The following PDIA4 variants were observed in gnomAD, a reference collection of about 807,000 sequenced individuals.
The protein encoded by PDIA4 is protein disulfide-isomerase A4.
In PDIA4, 33 loss-of-function variants were observed where a neutral mutation model predicts 62.1. The ratio of observed to expected loss-of-function variants is 0.53; its 90% CI spans 0.40 to 0.71. The LOEUF (loss-of-function observed/expected upper bound fraction) is 0.71, where lower values mean the gene tolerates loss of function less well. Among genes scored for constraint, PDIA4 ranks in the 30% least tolerant of loss-of-function variants. PDIA4 has a pLI of 0.00. For synonymous variants in PDIA4, 341 were observed against 324.1 expected (o/e 1.05, Z -0.56); for missense variants, 804 against 813.6 (o/e 0.99, Z 0.14).
At chr7:149,028,293 C>G in intron 1 of PDIA4, 28 bp downstream of exon 1, 4 of 1,496,568 alleles carry the variant, frequency 2.7e-6, no homozygotes, top group Non-Finnish European at 3.6e-6. Flanking sequence ...GCAAGCACAG[C>G]CCGACCCGCG....
At position 149,006,165 on chromosome 7, in the gene PDIA4, A is replaced by G. The variant is rs879186538; in HGVS notation, c.1132-112T>C. 114 of 1,149,746 alleles carry G rather than the reference A, an allele frequency of 9.9e-5. 4 individuals are homozygous for G. The South Asian group carries it at 1.9e-3, about 19-fold the overall frequency. 71.2% of individuals were successfully genotyped at this position (1,149,746 alleles called of 1,614,324 possible). ...GGCGACTTTGAAGGGGATCAGTCTTAGGAGGCAAAACACCCCAGGGCTCGA... is the reference window on the plus strand; with the variant it reads ...GGCGACTTTGAAGGGGATCAGTCTTGGGAGGCAAAACACCCCAGGGCTCGA... On this transcript the variant is annotated intron_variant, in intron 7 of 9. Coordinates refer to ENST00000652332, the MANE Select transcript of PDIA4 (RefSeq NM_004911.5).
chr7:149,003,707 C>G lies in PDIA4; in HGVS notation c.*87G>C. On this transcript the variant is annotated 3_prime_UTR_variant, in exon 10 of 10. Transcript: ENST00000652332. The stretch of plus-strand genomic sequence containing the variant: ...AAAAAAAAGGAATCCGAGATACTGT[C>G]GTTTGTTGCCGGCCTCGGCGTGGAC... 2.2e-6 allele frequency: 2 copies of G among 927,834 alleles called. No homozygotes were observed. The highest frequency in any genetic ancestry group is 3.1e-6 in the Non-Finnish European group (2 of 644,038). 57.5% of individuals were successfully genotyped at this position (927,834 alleles called of 1,614,324 possible).
rs1824621438 is a variant in PDIA4 at position 149,028,074 on chromosome 7, G to A, written c.88+247C>T. 5 of 627,154 alleles carry A rather than the reference G, an allele frequency of 8.0e-6. No individual in the cohort carries two copies. The East Asian group carries it at 1.2e-4, about 15-fold the overall frequency. The allele number at this position is 627,154 out of a possible 1,614,324, so 38.8% of individuals were successfully genotyped here. A position where few individuals can be genotyped will look rare whatever the true frequency, so the allele number is the denominator to read the frequency against. The stretch of plus-strand genomic sequence containing the variant: ...AGCCTCGGGTGACAGGGGTCTTCCA[G>A]GGCGTCGGAGCCCAAGAGACCCCGG... On this transcript the variant is annotated intron_variant, in intron 1 of 9. Transcript: ENST00000652332.
At position 149,003,962 on chromosome 7, in the gene PDIA4, G is replaced by A. The variant is rs772900803; in HGVS notation, c.1770C>T (p.Val590=). 1 of 1,613,264 alleles carries A rather than the reference G, an allele frequency of 6.2e-7. No homozygotes were observed. The highest frequency in any genetic ancestry group is 8.5e-7 in the Non-Finnish European group (1 of 1,179,346). ...IAKMDATAND[V]PSDRYKVEGF... The stretch of plus-strand genomic sequence containing the variant: ...CCTCCACCTTATAGCGGTCGCTGGG[G>A]ACGTCGTTGGCAGTGGCGTCCATCT... The change falls in exon 10 of 10, where the codon GTC becomes GTT. Residue 590 remains valine, a synonymous_variant. Coordinates refer to ENST00000652332, the MANE Select transcript of PDIA4 (RefSeq NM_004911.5).
chr7:149,009,467 C>T (rs772083806), intron 6 of PDIA4, among the ~76,000 whole-genome samples: 22 of 152,208 alleles, frequency 1.4e-4, no homozygotes, highest in East Asian at 1.9e-4. Flanking sequence ...AGTTTTCACA[C>T]CCAGCACCCT....
At chr7:149,025,471 G>A (rs371234803) in intron 1 of PDIA4, among the ~76,000 whole-genome samples, 2 of 152,170 alleles carry the variant, frequency 1.3e-5, no homozygotes, top group South Asian at 2.1e-4. Flanking sequence ...TATCAGCTAC[G>A]GTAACCATGA....
At chr7:149,017,920 T>C (rs911864335) in intron 3 of PDIA4, among the ~76,000 whole-genome samples, 20 of 152,242 alleles carry the variant, frequency 1.3e-4, no homozygotes, top group East Asian at 5.8e-4. Flanking sequence ...GCAGCAGCCC[T>C]GCATGCTTGT....
intron 8 of PDIA4, 114 bp from the exon 9 acceptor site, chr7:149,005,488 G>A (rs1025108344): frequency 1.3e-5 from 9 of 694,228 alleles, no homozygotes; most frequent in East Asian, 2.6e-5. Context: ...CTCAAACCCT[G>A]GATTTACCTC....
In PDIA4 at chr7:149,003,851, C is replaced by T. The variant is rs747229439; in HGVS notation, c.1881G>A (p.Leu627=). Residue 627 remains leucine, a synonymous_variant, in exon 10 of 10, where the codon TTG becomes TTA. Coordinates refer to ENST00000652332, the MANE Select transcript of PDIA4 (RefSeq NM_004911.5). ...TGGCATGTTCTTCTATAAACTTGCTCAAATGCTCCAGATCTCTGTCTCCAC... is the reference window on the plus strand; with the variant it reads ...TGGCATGTTCTTCTATAAACTTGCTTAAATGCTCCAGATCTCTGTCTCCAC... ...FEGGDRDLEH[L]SKFIEEHATK... 6.2e-7 allele frequency: 1 copy of T among 1,604,910 alleles called. No homozygotes were observed. The highest frequency in any genetic ancestry group is 8.5e-7 in the Non-Finnish European group (1 of 1,176,324).
At chr7:149,019,384 C>T (rs1452136178) in intron 2 of PDIA4, among the ~76,000 whole-genome samples, 187 bp from the exon 3 acceptor site, 1 of 152,022 alleles carries the variant, frequency 6.6e-6, no homozygotes. Context: ...AGGGTGGATC[C>T]CTCATGAATA....
chr7:149,015,187 G>C (rs1267415270), intron 3 of PDIA4, 145 bp from the exon 4 acceptor site: 2 of 761,790 alleles, frequency 2.6e-6, no homozygotes, highest in Non-Finnish European at 4.2e-6. Flanking sequence ...AAACCTGGCT[G>C]CATCTCTGCA....
At position 149,006,077 on chromosome 7, in the gene PDIA4, A is replaced by G. The variant is rs775525301; in HGVS notation, c.1132-24T>C. On this transcript the variant is annotated intron_variant, in intron 7 of 9. Transcript: ENST00000652332. ...CCCTGCTTCAAAGAGGGAACAGGTG[A>G]GGGGGCCCACCATCTCCCCACCATT... 47 of 1,537,368 alleles carry G rather than the reference A, an allele frequency of 3.1e-5. No individual in the cohort carries two copies. The East Asian group carries it at 1.2e-3, about 39-fold the overall frequency.
intron 4 of PDIA4, among the ~76,000 whole-genome samples, chr7:149,013,550 A>G (rs1824024820): frequency 6.6e-6 from 1 of 151,678 alleles, no homozygotes; most frequent in African/African-American, 2.4e-5. Context: ...GGTGGCACAC[A>G]CCTGTGGTCC....
intron 6 of PDIA4, among the ~76,000 whole-genome samples, chr7:149,009,424 A>C (rs972323459): frequency 2.6e-5 from 4 of 152,222 alleles, no homozygotes; most frequent in African/African-American, 4.8e-5. Flanking sequence ...TGGAGCCCAC[A>C]TGAGCAGCAC....
rs916385646 is a variant in PDIA4 at position 149,003,876 on chromosome 7, C to T, written c.1856G>A (p.Gly619Asp). Residue 619 changes from glycine (G) to aspartate (D), a missense_variant, in exon 10 of 10, where the codon GGT becomes GAT. By Grantham distance (94) the Gly-to-Asp change is moderately conservative (BLOSUM62 -1). Transcript: ENST00000652332. ...CAAATGCTCCAGATCTCTGTCTCCA[C>T]CCTCAAATTTAACTGGGTTCTTTTT... ...GDKKNPVKFEGGDRDLEHLSK... is the reference protein window; with the variant it reads ...GDKKNPVKFEDGDRDLEHLSK... 1.9e-6 allele frequency: 3 copies of T among 1,612,842 alleles called. No individual in the cohort carries two copies. Among genetic ancestry groups the T allele is most frequent in the African/African-American group, 1.3e-5 (1 of 74,888 alleles).
intron 3 of PDIA4, 121 bp downstream of exon 3, chr7:149,018,871 G>C: frequency 2.6e-6 from 1 of 387,282 alleles, no homozygotes; most frequent in Non-Finnish European, 4.8e-6. Context: ...AAACATTCCA[G>C]AGGGCTAAGG....
chr7:149,024,848 G>C (rs1270129427), intron 1 of PDIA4, among the ~76,000 whole-genome samples: 3 of 144,768 alleles, frequency 2.1e-5, no homozygotes, highest in Admixed American at 6.9e-5. Context: ...AAAAAGGCCA[G>C]GTGTGATGGC....
At position 149,012,167 on chromosome 7, in the gene PDIA4, G is replaced by T; in HGVS notation, c.808C>A (p.Arg270=). The T allele has an allele frequency of 3.7e-6, 6 of 1,614,052 alleles. No homozygotes were observed. The highest frequency in any genetic ancestry group is 1.3e-5 in the African/African-American group (1 of 74,994). Reference sequence around the variant, plus strand: ...GGAGTGGCCATACCATATTTTTCTCGTGGGCCGTTGTAGTCATAAGGCCTT... The same window carrying T: ...GGAGTGGCCATACCATATTTTTCTCTTGGGCCGTTGTAGTCATAAGGCCTT... ...KGRPYDYNGP[R]EKYGIVDYMI... The change falls in exon 5 of 10, where the codon CGA becomes AGA. Residue 270 remains arginine, a synonymous_variant. Transcript: ENST00000652332.
chr7:149,015,116 T>G (rs1824083034), intron 3 of PDIA4, 74 bp from the exon 4 acceptor site: 5 of 1,492,456 alleles, frequency 3.4e-6, no homozygotes, highest in Admixed American at 3.7e-5. Flanking sequence ...CAGAAGCAGA[T>G]GAGGAGGGGG....
Sources: allele counts gnomAD v4.1 joint callset (sites outside exome capture counted in the v4.1 genomes callset), GRCh38; gene constraint gnomAD v4.1.1; transcripts MANE v1.5; gene names NCBI Gene and HGNC (gene_info 2026-07-23, HGNC 2026-07-21).